The following ZNF614 variants were observed in gnomAD, a reference collection of about 807,000 sequenced individuals.
ZNF614 encodes zinc finger protein 614.
In ZNF614, 11 loss-of-function variants were observed where a neutral mutation model predicts 12.8. The ratio of observed to expected loss-of-function variants is 0.86; its 90% CI spans 0.54 to 1.43. The LOEUF (loss-of-function observed/expected upper bound fraction) is 1.43, where lower values mean the gene tolerates loss of function less well. Among genes scored for constraint, ZNF614 ranks in the 40% most tolerant of loss-of-function variants. ZNF614 has a pLI of 0.00. For missense variants in ZNF614, 664 were observed against 708.8 expected, an observed-to-expected ratio of 0.94 and a Z score of 0.72; for synonymous variants, 237 against 237.5, an observed-to-expected ratio of 1.00 and a Z score of 0.02.
At position 52,014,486 on chromosome 19, in the gene ZNF614, A is replaced by G. The variant is rs2086884852; in HGVS notation, c.*1354T>C. On this transcript the variant is annotated 3_prime_UTR_variant, in exon 5 of 5. Transcript: ENST00000270649. The stretch of plus-strand genomic sequence containing the variant: ...ATTCCGAGTTCCCACTGCCCTACTC[A>G]GGTTTGATAATTTGCTACAGGGCTC... 1 of 152,194 alleles carries G rather than the reference A, an allele frequency of 6.6e-6. No homozygotes were observed. The highest frequency in any genetic ancestry group is 1.5e-5 in the Non-Finnish European group (1 of 68,040). The allele number at this position is 152,194 out of a possible 1,614,324, so 9.4% of individuals were successfully genotyped here.
At chr19:52,024,891 A>ACACCGGGGGAT in intron 2 of ZNF614, among the ~76,000 whole-genome samples, 1 of 152,058 alleles carries the variant, frequency 6.6e-6, no homozygotes, top group Admixed American at 6.5e-5. Context: ...GTCCCCCAGC[A>ACACCGGGGGAT]TGACACCGGG....
At chr19:52,026,973 C>G (rs750532671) in intron 1 of ZNF614, among the ~76,000 whole-genome samples, 4 of 152,232 alleles carry the variant, frequency 2.6e-5, no homozygotes, top group Non-Finnish European at 5.9e-5. Context: ...TCCCCCTCTC[C>G]GAGGTGGTAG....
At chr19:52,024,960 A>T (rs2086961921) in intron 2 of ZNF614, among the ~76,000 whole-genome samples, 1 of 152,126 alleles carries the variant, frequency 6.6e-6, no homozygotes, top group Non-Finnish European at 1.5e-5. Flanking sequence ...GCCTTTTTGC[A>T]GTTGAGATAA....
chr19:52,018,407 C>T lies in ZNF614; in HGVS notation c.103G>A (p.Asp35Asn). The T allele has an allele frequency of 6.2e-7, 1 of 1,614,152 alleles. No homozygotes were observed. Among genetic ancestry groups the T allele is most frequent in the South Asian group, 1.1e-5 (1 of 91,070 alleles). The stretch of plus-strand genomic sequence containing the variant: ...TGGTTATAGTTCTCCACCATCACAT[C>T]CCGGTACAGGTTCTTCTGAGCAGTG... ...LDTAQKNLYR[D>N]VMVENYNHLV... The change falls in exon 3 of 5, where the codon GAT becomes AAT. Residue 35 changes from aspartate (D) to asparagine (N), a missense_variant. Physicochemically the swap from Asp to Asn is conservative, Grantham distance 23 (BLOSUM62 1). Transcript: ENST00000270649.
At chr19:52,017,870 T>G in intron 4 of ZNF614, 138 bp downstream of exon 4, 1 of 603,000 alleles carries the variant, frequency 1.7e-6, no homozygotes, top group Non-Finnish European at 2.9e-6. Flanking sequence ...ATAACAGCAT[T>G]AAAAAAGTTA....
intron 2 of ZNF614, among the ~76,000 whole-genome samples, chr19:52,019,702 G>C (rs184422222): frequency 2.0e-5 from 3 of 152,182 alleles, no homozygotes; most frequent in Admixed American, 1.3e-4. Context: ...ATTTTGGAAG[G>C]CCATTTGGGA....
chr19:52,028,345 C>T lies in ZNF614; in HGVS notation c.-320G>A, dbSNP rs2086989884. 1 of 145,558 alleles carries T rather than the reference C, an allele frequency of 6.9e-6. No individual in the cohort carries two copies. Among genetic ancestry groups the T allele is most frequent in the South Asian group, 2.3e-4 (1 of 4,310 alleles). 9.0% of individuals were successfully genotyped at this position (145,558 alleles called of 1,614,324 possible). On this transcript the variant is annotated 5_prime_UTR_variant, in exon 1 of 5. Transcript: ENST00000270649. ...GCGCTCCTGCGCGGACTCCGGGAAG[C>T]TGAGCGGTAAAGACCGTGAAGCGAG...
At position 52,016,917 on chromosome 19, in the gene ZNF614, A is replaced by C. The variant is rs778453499; in HGVS notation, c.681T>G (p.Cys227Trp). Residue 227 changes from cysteine (C) to tryptophan (W), a missense_variant, in exon 5 of 5, where the codon TGT becomes TGG. By Grantham distance (215) the Cys-to-Trp change is radical. Coordinates refer to ENST00000270649, the MANE Select transcript of ZNF614 (RefSeq NM_025040.4). ...GACCACTTCCAGGATTCTCTTGTAT[A>C]CAAATGTTCTCATGGTAAATGAGCT... ...KSQLIYHENI[C>W]IQENPGSGQC... 2.9e-5 allele frequency: 47 copies of C among 1,614,186 alleles called. No homozygotes were observed. In the South Asian group the frequency reaches 4.8e-4, roughly 17 times the overall value.
rs746059952 is a variant in ZNF614 at position 52,015,997 on chromosome 19, G to T, written c.1601C>A (p.Thr534Lys). The T allele has an allele frequency of 2.5e-6, 4 of 1,614,214 alleles. No homozygotes were observed. The highest frequency in any genetic ancestry group is 3.4e-6 in the Non-Finnish European group (4 of 1,180,040). ...ACTGCATCCATACGGCCTCTCTCCTGTATGCGTTCTTTGATGTACATTGAG... is the reference window on the plus strand; with the variant it reads ...ACTGCATCCATACGGCCTCTCTCCTTTATGCGTTCTTTGATGTACATTGAG... ...SVLNVHQRTH[T>K]GERPYGCSDC... The change falls in exon 5 of 5, where the codon ACA (threonine) becomes AAA (lysine). Residue 534 changes from threonine (T) to lysine (K), a missense_variant. Transcript: ENST00000270649.
intron 2 of ZNF614, among the ~76,000 whole-genome samples, chr19:52,019,300 A>G (rs1356944823): frequency 6.6e-6 from 1 of 152,254 alleles, no homozygotes; most frequent in Admixed American, 6.5e-5. Context: ...AAGATAAATC[A>G]TAACAAAGAA....
chr19:52,023,621 C>T (rs1490138898), intron 2 of ZNF614, among the ~76,000 whole-genome samples: 1 of 152,090 alleles, frequency 6.6e-6, no homozygotes, highest in Non-Finnish European at 1.5e-5. Flanking sequence ...TTATGAATAA[C>T]AAAAGACACA....
intron 2 of ZNF614, 92 bp downstream of exon 2, chr19:52,025,639 G>A: frequency 7.0e-7 from 1 of 1,419,144 alleles, no homozygotes; most frequent in Non-Finnish European, 9.9e-7. Context: ...TTTCTCCCTA[G>A]AACACAATTA....
Position 52,014,307 on chromosome 19 carries a change from C to T in ZNF614, c.*1533G>A, listed in dbSNP as rs980151964. ...ACTAACTTCTCCAAGTTAGTGCAGA[C>T]TCCACAAGTTAGTGCAGTCCAAGTT... On this transcript the variant is annotated 3_prime_UTR_variant, in exon 5 of 5. Transcript: ENST00000270649. 1.3e-5 allele frequency: 2 copies of T among 152,160 alleles called. No individual in the cohort carries two copies. The highest frequency in any genetic ancestry group is 4.8e-5 in the African/African-American group (2 of 41,434). The allele number at this position is 152,160 out of a possible 1,614,324, so 9.4% of individuals were successfully genotyped here.
rs1323388239 is a variant in ZNF614, at chr19:52,016,584, T to C, written c.1014A>G (p.Thr338=). 1 of 1,614,162 alleles carries C rather than the reference T, an allele frequency of 6.2e-7. No individual in the cohort carries two copies. Among genetic ancestry groups the C allele is most frequent in the Non-Finnish European group, 8.5e-7 (1 of 1,180,012 alleles). Reference sequence around the variant, plus strand: ...CACTGCATATATAGGGTTTCTCCCCTGTATGAGTTCGCTGATGTACAATGA... The same window carrying C: ...CACTGCATATATAGGGTTTCTCCCCCGTATGAGTTCGCTGATGTACAATGA... ...SNLIVHQRTH[T]GEKPYICSEC... is the part of the protein sequence containing the mutation. Residue 338 remains threonine (T), a synonymous_variant, in exon 5 of 5, where the codon ACA becomes ACG. Coordinates refer to ENST00000270649, the MANE Select transcript of ZNF614 (RefSeq NM_025040.4).
Position 52,025,785 on chromosome 19 carries a change from T to G in ZNF614, c.-40A>C. ...AGAAAATAGTGGATAACATGGACTA[T>G]ACGTCTTTGTCTCTTCTGCATTTGC... On this transcript the variant is annotated 5_prime_UTR_variant, in exon 2 of 5. Coordinates refer to ENST00000270649, the MANE Select transcript of ZNF614 (RefSeq NM_025040.4). 1 of 1,606,442 alleles carries G rather than the reference T, an allele frequency of 6.2e-7. No homozygotes were observed. The highest frequency in any genetic ancestry group is 8.5e-7 in the Non-Finnish European group (1 of 1,175,816).
Position 52,015,190 on chromosome 19 carries a change from T to A in ZNF614, c.*650A>T, listed in dbSNP as rs2086888817. ...CATCATTTTCACCACATTTCATGCC[T>A]TCATGAGCTGTTGATAGTTTGCTAA... On this transcript the variant is annotated 3_prime_UTR_variant, in exon 5 of 5. Transcript: ENST00000270649. 2 of 152,292 alleles carry A rather than the reference T, an allele frequency of 1.3e-5. No homozygotes were observed. Among genetic ancestry groups the A allele is most frequent in the African/African-American group, 4.8e-5 (2 of 41,464 alleles). 9.4% of individuals were successfully genotyped at this position (152,292 alleles called of 1,614,324 possible). A position where few individuals can be genotyped will look rare whatever the true frequency, so the allele number is the denominator to read the frequency against.
rs879029363 is a variant in ZNF614, at chr19:52,016,652, C to T, written c.946G>A (p.Val316Met). The T allele has an allele frequency of 6.2e-7, 1 of 1,614,052 alleles. No homozygotes were observed. The highest frequency in any genetic ancestry group is 8.5e-7 in the Non-Finnish European group (1 of 1,180,000). The change falls in exon 5 of 5, where the codon GTG becomes ATG. Residue 316 changes from valine (V) to methionine (M), a missense_variant. Physicochemically the swap from Val to Met is conservative, Grantham distance 21. Coordinates refer to ENST00000270649, the MANE Select transcript of ZNF614 (RefSeq NM_025040.4). ...AAACCTTTTCCACATTCTTTGCACA[C>T]ATAAGGTTTCTCTCCACTATGAGTT... ...QRTHSGEKPY[V>M]CKECGKGFTV...
At chr19:52,024,057 A>AT (rs761431019) in intron 2 of ZNF614, among the ~76,000 whole-genome samples, 5 of 152,216 alleles carry the variant, frequency 3.3e-5, no homozygotes, top group Non-Finnish European at 7.3e-5. Flanking sequence ...AGGCTGCTGA[A>AT]CATAGGGTAG....
At position 52,015,925 on chromosome 19, in the gene ZNF614, TTA is replaced by T. The variant is rs889145328; in HGVS notation, c.1671_1672del (p.His557GlnfsTer10). 3 of 1,614,094 alleles carry T rather than the reference TTA, an allele frequency of 1.9e-6. No homozygotes were observed. The highest frequency in any genetic ancestry group is 2.7e-5 in the African/African-American group (2 of 74,938). On this transcript the variant is annotated frameshift_variant, in exon 5 of 5. Transcript: ENST00000270649. LOFTEE classifies it low-confidence loss of function (END_TRUNC). ...ACCCATTTCTCTTGTGTGCATTTTC[TTA>T]TGTTTGACAAGGTTTGATAAGTGGG...
Sources: allele counts gnomAD v4.1 joint callset (sites outside exome capture counted in the v4.1 genomes callset), GRCh38; gene constraint gnomAD v4.1.1; transcripts MANE v1.5; gene names NCBI Gene and HGNC (gene_info 2026-07-23, HGNC 2026-07-21).